CLSTN2: variants seen among roughly 807,000 people sequenced by gnomAD.
CLSTN2 encodes the protein calsyntenin-2.
A neutral mutation model predicts 101.2 loss-of-function variants in CLSTN2; 48 were observed. The ratio of observed to expected loss-of-function variants is 0.47; its 90% CI spans 0.38 to 0.60. The LOEUF is 0.60. CLSTN2 is among the 20% of genes least tolerant of loss of function. The probability of loss-of-function intolerance (pLI) is 0.00; values close to 1 mark genes in which losing one functional copy is unlikely to be tolerated. For missense variants in CLSTN2, 1,160 were observed against 1,238.2 expected, an observed-to-expected ratio of 0.94 and a Z score of 0.95; for synonymous variants, 481 against 463.6, an observed-to-expected ratio of 1.04 and a Z score of -0.48.
chr3:140,089,859 A>G (rs1200058893), intron 1 of CLSTN2, among the ~76,000 whole-genome samples: 1 of 151,518 alleles, frequency 6.6e-6, no homozygotes, highest in Non-Finnish European at 1.5e-5. Flanking sequence ...TGATCTGTGT[A>G]AGAGTTAAAG....
Position 140,186,565 on chromosome 3 carries a change from T to C in CLSTN2, c.232+10492T>C, listed in dbSNP as rs1294815101. Among the ~76,000 whole-genome samples, 5 of 152,278 alleles carry C rather than the reference T, an allele frequency of 3.3e-5. No individual in the cohort carries two copies. In the East Asian group the frequency reaches 9.6e-4, roughly 29 times the overall value. On this transcript the variant is annotated intron_variant, in intron 2 of 16. Transcript: ENST00000458420. Reference sequence around the variant, plus strand: ...GAGTTCAGAGCTTGATTTTATTATCTTGTAGCTGCCTGTAATCACAGATGA... The same window carrying C: ...GAGTTCAGAGCTTGATTTTATTATCCTGTAGCTGCCTGTAATCACAGATGA...
chr3:140,566,340 A>T lies in CLSTN2; in HGVS notation c.*87A>T. 7.5e-7 allele frequency: 1 copy of T among 1,330,456 alleles called. No individual in the cohort carries two copies. Among genetic ancestry groups the T allele is most frequent in the South Asian group, 1.3e-5 (1 of 76,176 alleles). 82.4% of individuals were successfully genotyped at this position (1,330,456 alleles called of 1,614,324 possible). ...CCATGTCTATCATACCTCACCTCTGATGTCTGTGACATGTCTGGGAAGGCC... is the reference window on the plus strand; with the variant it reads ...CCATGTCTATCATACCTCACCTCTGTTGTCTGTGACATGTCTGGGAAGGCC... On this transcript the variant is annotated 3_prime_UTR_variant, in exon 17 of 17. Coordinates refer to ENST00000458420, the MANE Select transcript of CLSTN2 (RefSeq NM_022131.3).
chr3:140,068,038 C>G (rs2107775633), intron 1 of CLSTN2, among the ~76,000 whole-genome samples: 1 of 152,304 alleles, frequency 6.6e-6, no homozygotes, highest in Non-Finnish European at 1.5e-5. Flanking sequence ...GACTCCCAAG[C>G]CCGGGGGCAG....
At chr3:140,286,781 T>C (rs1408026514) in intron 2 of CLSTN2, among the ~76,000 whole-genome samples, 1 of 152,168 alleles carries the variant, frequency 6.6e-6, no homozygotes, top group African/African-American at 2.4e-5. Context: ...AAGATAGCCC[T>C]GGATAGAAGA....
chr3:140,355,720 C>A (rs559539457), intron 2 of CLSTN2, among the ~76,000 whole-genome samples: 1 of 152,244 alleles, frequency 6.6e-6, no homozygotes, highest in African/African-American at 2.4e-5. Context: ...CTCGCATTCC[C>A]AGGAGCAATG....
chr3:139,999,134 G>A (rs2006761679), intron 1 of CLSTN2, among the ~76,000 whole-genome samples: 1 of 152,172 alleles, frequency 6.6e-6, no homozygotes. Flanking sequence ...GAGGCGGTCT[G>A]TGGTGATGGC....
chr3:140,000,001 T>TCCTC (rs55689931), intron 1 of CLSTN2, among the ~76,000 whole-genome samples: 7 of 148,558 alleles, frequency 4.7e-5, no homozygotes, highest in Admixed American at 1.3e-4. Context: ...AAGTTAAAGA[T>TCCTC]CCTCCCTCCC....
At chr3:140,388,452 C>T (rs1363836866) in intron 2 of CLSTN2, among the ~76,000 whole-genome samples, 1 of 152,222 alleles carries the variant, frequency 6.6e-6, no homozygotes, top group Non-Finnish European at 1.5e-5. Context: ...GTTATTTTTG[C>T]ATCTGAGCCT....
At chr3:140,400,990 C>G (rs910054438) in intron 2 of CLSTN2, among the ~76,000 whole-genome samples, 1 of 152,234 alleles carries the variant, frequency 6.6e-6, no homozygotes, top group Non-Finnish European at 1.5e-5. Flanking sequence ...CCATCACCAT[C>G]CTTCTTTCAG....
chr3:139,983,084 G>A (rs146973140), intron 1 of CLSTN2, among the ~76,000 whole-genome samples: 438 of 151,870 alleles, frequency 2.9e-3, no homozygotes, highest in African/African-American at 0.01. Context: ...AAATAAAAAC[G>A]TCAGAGATCA....
At chr3:140,258,529 G>C (rs149145273) in intron 2 of CLSTN2, among the ~76,000 whole-genome samples, 13 of 152,202 alleles carry the variant, frequency 8.5e-5, no homozygotes, top group Admixed American at 2.0e-4. Context: ...CAATGAGAAT[G>C]AGAAGTCATG....
intron 8 of CLSTN2, among the ~76,000 whole-genome samples, chr3:140,469,014 C>G (rs1296776627): frequency 1.3e-5 from 2 of 152,160 alleles, no homozygotes; most frequent in East Asian, 3.9e-4. Context: ...GTTAAGAGAT[C>G]TCTTCCTAGC....
intron 1 of CLSTN2, among the ~76,000 whole-genome samples, chr3:140,097,658 C>A (rs1468582662): frequency 1.3e-5 from 2 of 152,160 alleles, no homozygotes; most frequent in Non-Finnish European, 2.9e-5. Flanking sequence ...AGAGAGCCCA[C>A]GTATTACCTC....
At chr3:140,165,967 G>A (rs2107822600) in intron 1 of CLSTN2, among the ~76,000 whole-genome samples, 1 of 152,240 alleles carries the variant, frequency 6.6e-6, no homozygotes, top group African/African-American at 2.4e-5. Context: ...CAGGGGATGG[G>A]CTGGAAAACA....
At chr3:139,946,606 C>T (rs1935219468) in intron 1 of CLSTN2, among the ~76,000 whole-genome samples, 1 of 152,212 alleles carries the variant, frequency 6.6e-6, no homozygotes, top group South Asian at 2.1e-4. Flanking sequence ...TCTTCCTTAG[C>T]TGGGGTCCCT....
At chr3:140,373,503 T>C (rs1007647388) in intron 2 of CLSTN2, among the ~76,000 whole-genome samples, 2 of 152,218 alleles carry the variant, frequency 1.3e-5, no homozygotes, top group African/African-American at 4.8e-5. Context: ...TCTATTATAT[T>C]GAGCAGGAAA....
intron 2 of CLSTN2, among the ~76,000 whole-genome samples, chr3:140,399,711 C>G (rs1298555353): frequency 6.6e-6 from 1 of 151,936 alleles, no homozygotes; most frequent in Admixed American, 6.6e-5. Context: ...CCATTTTTTT[C>G]TTTTTCAACT....
intron 8 of CLSTN2, among the ~76,000 whole-genome samples, chr3:140,494,203 G>A (rs1934404838): frequency 6.6e-6 from 1 of 152,162 alleles, no homozygotes; most frequent in South Asian, 2.1e-4. Context: ...CATTCAGGGT[G>A]CAAAGCATAT....
At chr3:140,503,516 A>G (rs183998824) in intron 8 of CLSTN2, among the ~76,000 whole-genome samples, 1 of 152,174 alleles carries the variant, frequency 6.6e-6, no homozygotes, top group African/African-American at 2.4e-5. Flanking sequence ...AGTGCACTCT[A>G]TGATGTTCGA....
Sources: allele counts gnomAD v4.1 joint callset (sites outside exome capture counted in the v4.1 genomes callset), GRCh38; gene constraint gnomAD v4.1.1; transcripts MANE v1.5; gene names NCBI Gene and HGNC (gene_info 2026-07-23, HGNC 2026-07-21).